The following CORO2B variants were observed in gnomAD, a reference collection of about 807,000 sequenced individuals.
CORO2B encodes coronin-2B.
In CORO2B, 26 loss-of-function variants were observed where a neutral mutation model predicts 58.8. That is an observed-to-expected ratio of 0.44 (90% CI 0.32 to 0.61). The LOEUF (loss-of-function observed/expected upper bound fraction) is 0.61, where lower values mean the gene tolerates loss of function less well. Ranked by LOEUF, CORO2B falls within the 20% of genes least tolerant of loss-of-function variation. The pLI is 0.04. For missense variants in CORO2B, 460 were observed against 645.1 expected (o/e 0.71, Z 3.11); for synonymous variants, 242 against 253.8 (o/e 0.95, Z 0.44).
intron 1 of CORO2B, among the ~76,000 whole-genome samples, chr15:68,614,159 C>G (rs554917042): frequency 6.6e-6 from 1 of 152,244 alleles, no homozygotes; most frequent in Admixed American, 6.5e-5. Flanking sequence ...TGTCTCTGTG[C>G]CAGGGAGAAC....
the CORO2B span, among the ~76,000 whole-genome samples, chr15:68,556,017 AGAAG>A: frequency 3.3e-5 from 5 of 152,252 alleles, no homozygotes; most frequent in African/African-American, 9.6e-5. Context: ...GTTCAGAGAA[AGAAG>A]GAAGAGAATC....
chr15:68,674,810 C>T (rs1403921441), intron 2 of CORO2B, among the ~76,000 whole-genome samples: 1 of 152,216 alleles, frequency 6.6e-6, no homozygotes, highest in Non-Finnish European at 1.5e-5. Context: ...CCCTCATGCT[C>T]TTTTCCCTCA....
chr15:68,693,123 G>A (rs1892423876), intron 2 of CORO2B, among the ~76,000 whole-genome samples: 1 of 152,176 alleles, frequency 6.6e-6, no homozygotes, highest in Non-Finnish European at 1.5e-5. Context: ...CAGCCTCTGA[G>A]GCTTTTTTCC....
chr15:68,575,582 C>CCCCCCCCTCG (rs1566975519), upstream of CORO2B, among the ~76,000 whole-genome samples: 1 of 96,738 alleles, frequency 1.0e-5, no homozygotes, highest in Non-Finnish European at 2.5e-5. Context: ...GATCTGCCCC[C>CCCCCCCCTCG]GCCTCGGCCT....
chr15:68,650,718 T>C (rs899333407), intron 2 of CORO2B, among the ~76,000 whole-genome samples: 2 of 152,326 alleles, frequency 1.3e-5, no homozygotes, highest in South Asian at 4.1e-4. Flanking sequence ...GCTCTTTAAT[T>C]TTCTTTTCCC....
At chr15:68,591,635 G>T (rs966028453) in intron 1 of CORO2B, among the ~76,000 whole-genome samples, 2 of 152,188 alleles carry the variant, frequency 1.3e-5, no homozygotes, top group African/African-American at 2.4e-5. Context: ...CGGGGAAGGG[G>T]TTTCTGAGCC....
chr15:68,567,641 A>G, the CORO2B span, among the ~76,000 whole-genome samples: 5 of 152,174 alleles, frequency 3.3e-5, no homozygotes, highest in African/African-American at 9.7e-5. Context: ...AGTTTTTCCA[A>G]TGTTTTCAAC....
the CORO2B span, among the ~76,000 whole-genome samples, chr15:68,525,509 C>A: frequency 5.3e-5 from 8 of 152,120 alleles, no homozygotes; most frequent in Non-Finnish European, 1.2e-4. Flanking sequence ...TTGACAGAGC[C>A]TTTTGCAGGG....
intron 3 of CORO2B, among the ~76,000 whole-genome samples, chr15:68,708,143 A>T (rs1688667111): frequency 1.3e-5 from 2 of 152,178 alleles, no homozygotes; most frequent in Admixed American, 1.3e-4. Context: ...CAAACCCTTG[A>T]CAGAACTTGC....
At chr15:68,561,129 G>A in the CORO2B span, among the ~76,000 whole-genome samples, 3 of 152,256 alleles carry the variant, frequency 2.0e-5, no homozygotes, top group South Asian at 6.2e-4. Flanking sequence ...AATACTGGTT[G>A]GGTCCCAGGA....
At chr15:68,668,787 G>A (rs1338641111) in intron 2 of CORO2B, among the ~76,000 whole-genome samples, 1 of 152,218 alleles carries the variant, frequency 6.6e-6, no homozygotes, top group East Asian at 1.9e-4. Context: ...CCCATAGAAA[G>A]CCAAAGACAG....
In CORO2B at chr15:68,645,777, CA is replaced by C. The variant is rs1485414633; in HGVS notation, c.216+419del. On this transcript the variant is annotated intron_variant, in intron 2 of 11. Transcript: ENST00000261861. The surrounding 1 kb of genome is among the most constrained non-coding windows in gnomAD (Gnocchi z 4.5). ...ACATTGAGCATCTGCAAAAATTATA[CA>C]ATTTTTTTTTTTTGAGATGGAGTCT... 6.6e-6 allele frequency among the ~76,000 whole-genome samples: 1 copy of C among 150,944 alleles called. No homozygotes were observed. Among genetic ancestry groups the C allele is most frequent in the Non-Finnish European group, 1.5e-5 (1 of 67,862 alleles).
chr15:68,580,872 G>C, intron 1 of CORO2B, among the ~76,000 whole-genome samples: 1 of 152,116 alleles, frequency 6.6e-6, no homozygotes, highest in Middle Eastern at 3.2e-3. Flanking sequence ...TTCCTTCCCT[G>C]GAGGCCTGCA....
chr15:68,725,876 A>C lies in CORO2B; in HGVS notation c.1345A>C (p.Ile449Leu). The change falls in exon 12 of 12, where the codon ATT becomes CTT. Residue 449 changes from isoleucine to leucine, a missense_variant. Transcript: ENST00000261861. ...AATGTTCTTCCGGCAGCAGGATGAG[A>C]TTCGACGGTTGAAAGAGGAGCTGGC... ...LRMFFRQQDE[I>L]RRLKEELAQK... The C allele has an allele frequency of 6.2e-7, 1 of 1,613,926 alleles. No individual in the cohort carries two copies. Among genetic ancestry groups the C allele is most frequent in the Non-Finnish European group, 8.5e-7 (1 of 1,179,980 alleles).
intron 1 of CORO2B, among the ~76,000 whole-genome samples, chr15:68,588,195 T>C (rs922609773): frequency 6.6e-6 from 1 of 152,204 alleles, no homozygotes; most frequent in African/African-American, 2.4e-5. Flanking sequence ...AGGCAGTTCC[T>C]TCCAATAGCT....
chr15:68,721,736 G>C (rs1021090001), intron 11 of CORO2B, among the ~76,000 whole-genome samples: 1 of 76,912 alleles, frequency 1.3e-5, no homozygotes, highest in Non-Finnish European at 3.1e-5. Context: ...ATTTTTAAGT[G>C]TTTTCTTGTA....
Position 68,672,896 on chromosome 15 carries a change from A to C in CORO2B, c.217-22244A>C, listed in dbSNP as rs1057241528. On this transcript the variant is annotated intron_variant, in intron 2 of 11. Transcript: ENST00000261861. ...CACATAATGTGAGCTCGGCGACCTT[A>C]GAGCAGCCCCTCACATCACAGTTTG... Among the ~76,000 whole-genome samples the C allele has an allele frequency of 3.3e-5, 5 of 152,314 alleles. No homozygotes were observed. In the East Asian group the frequency reaches 9.6e-4, roughly 29 times the overall value.
At chr15:68,630,856 T>C (rs1900808777) in intron 1 of CORO2B, among the ~76,000 whole-genome samples, 1 of 152,134 alleles carries the variant, frequency 6.6e-6, no homozygotes, top group African/African-American at 2.4e-5. Flanking sequence ...GCGCCAGGAT[T>C]TACATCCTCA....
chr15:68,720,593 G>A (rs982475700), intron 11 of CORO2B, among the ~76,000 whole-genome samples: 5 of 152,166 alleles, frequency 3.3e-5, no homozygotes, highest in African/African-American at 1.2e-4. Context: ...GGGGCTATTG[G>A]AGTGAGGGCC....
Sources: gnomAD v4.1 joint callset for allele counts (sites outside exome capture counted in the v4.1 genomes callset) on GRCh38, gnomAD v4.1.1 for gene constraint, Gnocchi (gnomAD v3.1) non-coding constraint, MANE v1.5 for transcripts, NCBI Gene and HGNC (gene_info 2026-07-23, HGNC 2026-07-21) for gene names.